CAMK2D: variants seen among roughly 807,000 people sequenced by gnomAD.
The protein encoded by CAMK2D is calcium/calmodulin-dependent protein kinase type II subunit delta.
Under a neutral mutation model 84.0 loss-of-function variants are expected in CAMK2D, and 37 were observed. The ratio of observed to expected loss-of-function variants is 0.44; its 90% confidence interval spans 0.34 to 0.58. The LOEUF (loss-of-function observed/expected upper bound fraction) is 0.58. Ranked by LOEUF, CAMK2D falls within the 20% of genes least tolerant of loss-of-function variation. The probability of loss-of-function intolerance (pLI) is 0.02; values close to 1 mark genes in which losing one functional copy is unlikely to be tolerated. For synonymous variants in CAMK2D, 202 were observed against 212.5 expected, an observed-to-expected ratio of 0.95 and a Z score of 0.43; for missense variants, 448 against 652.5, an observed-to-expected ratio of 0.69 and a Z score of 3.41.
intron 2 of CAMK2D, among the ~76,000 whole-genome samples, chr4:113,741,371 T>A (rs1485013934): frequency 6.6e-6 from 1 of 152,194 alleles, no homozygotes; most frequent in Non-Finnish European, 1.5e-5. Flanking sequence ...CTGCAAAAGT[T>A]ACATGCACAG....
At chr4:113,741,450 G>GTCACATTAGTGTATATATAT (rs2099592690) in intron 2 of CAMK2D, among the ~76,000 whole-genome samples, 1 of 151,940 alleles carries the variant, frequency 6.6e-6, no homozygotes, top group South Asian at 2.1e-4. Flanking sequence ...CTCTTACTGT[G>GTCACATTAGTGTATATATAT]ACTAATTTAT....
At chr4:113,471,652 T>A (rs1179762951) in intron 16 of CAMK2D, among the ~76,000 whole-genome samples, 3 of 152,090 alleles carry the variant, frequency 2.0e-5, no homozygotes, top group African/African-American at 7.2e-5. Context: ...CATTTCTTCC[T>A]CTCTAGGCTC....
intron 16 of CAMK2D, among the ~76,000 whole-genome samples, chr4:113,468,076 G>C (rs759503190): frequency 1.3e-5 from 2 of 151,994 alleles, no homozygotes; most frequent in Admixed American, 6.6e-5. Flanking sequence ...TCAGTTTATA[G>C]AGTGTGAAGA....
intron 16 of CAMK2D, among the ~76,000 whole-genome samples, chr4:113,495,301 C>T (rs1163760178): frequency 6.6e-6 from 1 of 152,126 alleles, no homozygotes; most frequent in African/African-American, 2.4e-5. Context: ...TATCAAAAGT[C>T]CCTCAATAAA....
chr4:113,696,010 T>C (rs1437272130), intron 2 of CAMK2D, among the ~76,000 whole-genome samples: 1 of 152,118 alleles, frequency 6.6e-6, no homozygotes, highest in Non-Finnish European at 1.5e-5. Flanking sequence ...CGTATGCTAC[T>C]AACTCAGGAC....
chr4:113,516,288 C>T (rs889483749), intron 9 of CAMK2D, among the ~76,000 whole-genome samples: 1 of 152,146 alleles, frequency 6.6e-6, no homozygotes, highest in African/African-American at 2.4e-5. Flanking sequence ...AGCTTGCTAA[C>T]TATTAGGAGC....
In CAMK2D at chr4:113,475,563, C is replaced by G. The variant is rs2097598845; in HGVS notation, c.1136-9959G>C. ...TCAGTGTTTCTCACACCAATGTTGCCTCAATGAGGTAGAAGCTAAGCAGTT... is the reference window on the plus strand; with the variant it reads ...TCAGTGTTTCTCACACCAATGTTGCGTCAATGAGGTAGAAGCTAAGCAGTT... On this transcript the variant is annotated intron_variant, in intron 16 of 20. Coordinates refer to ENST00000511664, the MANE Select transcript of CAMK2D (RefSeq NM_001321571.2). 2.6e-5 allele frequency among the ~76,000 whole-genome samples: 4 copies of G among 152,150 alleles called. No individual in the cohort carries two copies. The South Asian group carries it at 8.3e-4, about 32-fold the overall frequency.
chr4:113,746,361 C>A (rs2099604160), intron 2 of CAMK2D, among the ~76,000 whole-genome samples: 1 of 151,998 alleles, frequency 6.6e-6, no homozygotes, highest in Non-Finnish European at 1.5e-5. Context: ...TTCTATAAAT[C>A]ATTATTATTT....
intron 2 of CAMK2D, among the ~76,000 whole-genome samples, chr4:113,698,754 A>G (rs1221632560): frequency 6.6e-6 from 1 of 152,080 alleles, no homozygotes; most frequent in Non-Finnish European, 1.5e-5. Flanking sequence ...GTTGGATGAA[A>G]GAAGCTAATT....
chr4:113,517,985 A>G (rs2154170634), intron 8 of CAMK2D, among the ~76,000 whole-genome samples: 1 of 152,308 alleles, frequency 6.6e-6, no homozygotes, highest in African/African-American at 2.4e-5. Context: ...CTGCATTCTT[A>G]TCTATATAGA....
intron 8 of CAMK2D, 22 bp downstream of exon 8, chr4:113,531,194 G>T (rs761316585): frequency 7.7e-6 from 10 of 1,304,878 alleles, no homozygotes; most frequent in Non-Finnish European, 1.1e-5. Context: ...CACAAAATTT[G>T]CTTCAAAATA....
chr4:113,555,355 G>A (rs920218951), intron 4 of CAMK2D, among the ~76,000 whole-genome samples: 2 of 152,080 alleles, frequency 1.3e-5, no homozygotes, highest in Admixed American at 6.6e-5. Flanking sequence ...AACCAAGAGC[G>A]GCACCCAGTT....
At chr4:113,687,243 T>C (rs981748822) in intron 2 of CAMK2D, among the ~76,000 whole-genome samples, 10 of 152,234 alleles carry the variant, frequency 6.6e-5, no homozygotes, top group African/African-American at 2.4e-4. Flanking sequence ...AAAACACATA[T>C]TGGAGTATGT....
At chr4:113,708,625 TA>T (rs1299621904) in intron 2 of CAMK2D, among the ~76,000 whole-genome samples, 1 of 152,220 alleles carries the variant, frequency 6.6e-6, no homozygotes, top group East Asian at 1.9e-4. Context: ...TAATCTTTTT[TA>T]AAAAGCTAAA....
rs755850795 is a variant in CAMK2D at position 113,601,683 on chromosome 4, C to CTTTTTTTTTTTTTTT, written c.275+7454_275+7468dup. ...ATTTTATGTAGATTAACTGTTTATT[C>CTTTTTTTTTTTTTTT]TTTTTTTTTTTTTTTTTTTTTTTTT... is the stretch of plus-strand genomic sequence containing the variant. On this transcript the variant is annotated intron_variant, in intron 4 of 20. Transcript: ENST00000511664. 9.2e-4 allele frequency among the ~76,000 whole-genome samples: 42 copies of CTTTTTTTTTTTTTTT among 45,836 alleles called. 1 individual carries two copies. Among genetic ancestry groups the CTTTTTTTTTTTTTTT allele is most frequent in the African/African-American group, 1.5e-3 (16 of 10,490 alleles). 30.1% of individuals were successfully genotyped at this position (45,836 alleles called of 152,430 possible).
At chr4:113,726,374 CTTTTTT>C (rs34696947) in intron 2 of CAMK2D, among the ~76,000 whole-genome samples, 4 of 69,546 alleles carry the variant, frequency 5.8e-5, no homozygotes, top group Admixed American at 2.2e-4. Context: ...TTTGCTTGGG[CTTTTTT>C]TTTTTTTTTT....
At chr4:113,744,313 G>A (rs562134880) in intron 2 of CAMK2D, among the ~76,000 whole-genome samples, 4 of 152,188 alleles carry the variant, frequency 2.6e-5, no homozygotes, top group Admixed American at 6.5e-5. Context: ...CCCAATCCTC[G>A]TGACCTTGTC....
intron 2 of CAMK2D, among the ~76,000 whole-genome samples, chr4:113,734,660 CTAGT>C (rs1435730680): frequency 2.0e-5 from 3 of 151,982 alleles, no homozygotes; most frequent in African/African-American, 7.3e-5. Context: ...AGCTGACAGC[CTAGT>C]TAGACTAGTT....
chr4:113,755,964 C>T (rs1483500454), intron 2 of CAMK2D, among the ~76,000 whole-genome samples: 2 of 151,932 alleles, frequency 1.3e-5, no homozygotes, highest in East Asian at 1.9e-4. Flanking sequence ...ATATAAGATG[C>T]TTGAGATGCT....
Sources: gnomAD v4.1 joint callset for allele counts (sites outside exome capture counted in the v4.1 genomes callset) on GRCh38, gnomAD v4.1.1 for gene constraint, MANE v1.5 for transcripts, NCBI Gene and HGNC (gene_info 2026-07-23, HGNC 2026-07-21) for gene names.